The following RSU1 variants were observed in gnomAD, a reference collection of about 807,000 sequenced individuals.
RSU1 encodes the protein Ras suppressor protein 1.
A neutral mutation model predicts 31.1 loss-of-function variants in RSU1; 26 were observed. The ratio of observed to expected loss-of-function variants is 0.84; its 90% CI spans 0.61 to 1.16. The LOEUF is 1.16. RSU1 is among the 50% of genes most tolerant of loss of function. RSU1 has a pLI of 0.00. For synonymous variants in RSU1, 164 were observed against 136.3 expected (o/e 1.20, Z -1.41); for missense variants, 320 against 339.1 (o/e 0.94, Z 0.44).
chr10:16,604,785 A>G (rs1833773250), intron 8 of RSU1, among the ~76,000 whole-genome samples: 1 of 152,180 alleles, frequency 6.6e-6, no homozygotes, highest in Non-Finnish European at 1.5e-5. Flanking sequence ...TCTTAGGTCC[A>G]TCAGGGTGTC....
At chr10:16,721,706 A>C (rs1836267324) in intron 7 of RSU1, 1 of 152,204 alleles carries the variant, frequency 6.6e-6, no homozygotes, top group South Asian at 2.1e-4. Flanking sequence ...CGTGGGTGGC[A>C]AATCACTTGA....
chr10:16,674,138 C>T (rs984401724), intron 8 of RSU1, among the ~76,000 whole-genome samples: 20 of 152,062 alleles, frequency 1.3e-4, no homozygotes, highest in South Asian at 4.1e-4. Flanking sequence ...TCAAACAAAG[C>T]GTCTGTTTTT....
intron 8 of RSU1, among the ~76,000 whole-genome samples, chr10:16,620,882 T>C (rs949780601): frequency 1.3e-5 from 2 of 152,048 alleles, no homozygotes; most frequent in Admixed American, 6.6e-5. Context: ...TAGTGAATTT[T>C]ATTTTGTAAA....
intron 2 of RSU1, among the ~76,000 whole-genome samples, chr10:16,807,621 TTA>T (rs1038193563): frequency 2.0e-5 from 3 of 152,246 alleles, no homozygotes; most frequent in Admixed American, 2.0e-4. Flanking sequence ...AAGTTGCTTC[TTA>T]TGTTTTCTTC....
intron 8 of RSU1, among the ~76,000 whole-genome samples, chr10:16,663,406 T>C (rs1448751838): frequency 6.6e-6 from 1 of 152,158 alleles, no homozygotes. Context: ...TTTGCTTACT[T>C]GGGAGTCTAC....
chr10:16,609,838 C>T (rs1833864722), intron 8 of RSU1, among the ~76,000 whole-genome samples: 1 of 152,218 alleles, frequency 6.6e-6, no homozygotes, highest in Non-Finnish European at 1.5e-5. Context: ...TTCTCATAAG[C>T]TGTTTCTAAA....
intron 8 of RSU1, among the ~76,000 whole-genome samples, chr10:16,675,584 T>C (rs1031776363): frequency 3.9e-5 from 6 of 152,012 alleles, no homozygotes; most frequent in African/African-American, 1.5e-4. Flanking sequence ...AAAAGGAAAA[T>C]TTGGAAATAT....
chr10:16,784,978 C>G (rs897195674), intron 2 of RSU1, among the ~76,000 whole-genome samples: 2 of 152,182 alleles, frequency 1.3e-5, no homozygotes, highest in African/African-American at 4.8e-5. Flanking sequence ...CATGAGAACT[C>G]TATCACTATA....
intron 8 of RSU1, among the ~76,000 whole-genome samples, chr10:16,639,606 T>C (rs1265153869): frequency 2.6e-5 from 4 of 152,226 alleles, no homozygotes; most frequent in African/African-American, 9.6e-5. Flanking sequence ...AAAGGGATCC[T>C]TGATATGTCA....
chr10:16,708,550 T>TTTGGC (rs1835951980), intron 7 of RSU1, among the ~76,000 whole-genome samples: 1 of 152,174 alleles, frequency 6.6e-6, no homozygotes, highest in Non-Finnish European at 1.5e-5. Flanking sequence ...TCAGGGTTGC[T>TTTGGC]TTGGCTATTT....
intron 8 of RSU1, among the ~76,000 whole-genome samples, chr10:16,627,383 T>C (rs765543049): frequency 6.6e-6 from 1 of 152,188 alleles, no homozygotes; most frequent in Non-Finnish European, 1.5e-5. Context: ...TTCAGCATTG[T>C]AGTGGCATGA....
At chr10:16,807,006 C>T (rs563552273) in intron 2 of RSU1, among the ~76,000 whole-genome samples, 1 of 152,320 alleles carries the variant, frequency 6.6e-6, no homozygotes, top group South Asian at 2.1e-4. Flanking sequence ...GACCCACCCA[C>T]GTTGGCCTCC....
At chr10:16,806,693 C>T (rs1838275940) in intron 2 of RSU1, among the ~76,000 whole-genome samples, 2 of 152,132 alleles carry the variant, frequency 1.3e-5, no homozygotes, top group Admixed American at 1.3e-4. Context: ...AGAATACAAA[C>T]ATATAATAAA....
At chr10:16,595,804 T>C (rs1833602128) in intron 8 of RSU1, among the ~76,000 whole-genome samples, 1 of 150,186 alleles carries the variant, frequency 6.7e-6, no homozygotes, top group Non-Finnish European at 1.5e-5. Flanking sequence ...CCATCTCTAC[T>C]AAAAAAAAGA....
At chr10:16,749,568 C>CTA (rs1302752646) in intron 7 of RSU1, among the ~76,000 whole-genome samples, 2 of 152,116 alleles carry the variant, frequency 1.3e-5, no homozygotes, top group African/African-American at 4.8e-5. Flanking sequence ...CCAGCACTGC[C>CTA]CATCAGCCAG....
At chr10:16,601,691 C>T (rs567488187) in intron 8 of RSU1, among the ~76,000 whole-genome samples, 2 of 152,302 alleles carry the variant, frequency 1.3e-5, no homozygotes, top group South Asian at 2.1e-4. Context: ...TGGCACCTGG[C>T]ATGGAGCAGC....
intron 2 of RSU1, among the ~76,000 whole-genome samples, chr10:16,810,579 C>G (rs1838387013): frequency 6.6e-6 from 1 of 152,126 alleles, no homozygotes; most frequent in Non-Finnish European, 1.5e-5. Context: ...GGAATTCTGA[C>G]TCAGGTGAGG....
In RSU1 at chr10:16,606,110, G is replaced by T. The variant is rs114471896; in HGVS notation, c.732-12614C>A. ...AGTAAAGGTGCTGCAGCGCCACTTC[G>T]TGAGGCCTTCTGGGAGCCAGGCCAT... On this transcript the variant is annotated intron_variant, in intron 8 of 8. Coordinates refer to ENST00000345264, the MANE Select transcript of RSU1 (RefSeq NM_012425.4). 1.3e-3 allele frequency among the ~76,000 whole-genome samples: 201 copies of T among 152,224 alleles called. 1 individual carries two copies. Among genetic ancestry groups the T allele is most frequent in the African/African-American group, 2.2e-3 (91 of 41,530 alleles).
intron 8 of RSU1, among the ~76,000 whole-genome samples, chr10:16,608,260 C>T (rs1833837643): frequency 6.6e-6 from 1 of 152,194 alleles, no homozygotes; most frequent in Admixed American, 6.5e-5. Flanking sequence ...ATAATCTCAG[C>T]ACTTTCGGAG....
Sources: gnomAD v4.1 joint callset for allele counts (sites outside exome capture counted in the v4.1 genomes callset) on GRCh38, gnomAD v4.1.1 for gene constraint, MANE v1.5 for transcripts, NCBI Gene and HGNC (gene_info 2026-07-23, HGNC 2026-07-21) for gene names.